Variants in SPAG17 observed in about 807,000 individuals in gnomAD.
SPAG17 encodes the protein sperm associated antigen 17, also known as sperm-associated antigen 17.
Under a neutral mutation model 273.6 loss-of-function variants are expected in SPAG17, and 169 were observed. That is an observed-to-expected ratio of 0.62 (90% confidence interval 0.55 to 0.70). The LOEUF (loss-of-function observed/expected upper bound fraction) is 0.70, where lower values mean the gene tolerates loss of function less well. SPAG17 is among the 30% of genes least tolerant of loss of function. The pLI is 0.00. For missense variants in SPAG17, 2,557 were observed against 2,627.8 expected (o/e 0.97, Z 0.59); for synonymous variants, 825 against 873.2 (o/e 0.94, Z 0.97).
intron 3 of SPAG17, among the ~76,000 whole-genome samples, chr1:118,137,419 T>C (rs1056957827): frequency 5.3e-5 from 8 of 152,192 alleles, no homozygotes; most frequent in Non-Finnish European, 7.3e-5. Context: ...GGGTACCAGG[T>C]ACTATGCAGG....
intron 1 of SPAG17, among the ~76,000 whole-genome samples, chr1:118,159,651 T>A (rs1336168746): frequency 6.6e-6 from 1 of 152,160 alleles, no homozygotes; most frequent in African/African-American, 2.4e-5. Flanking sequence ...GTCCTGGGGA[T>A]CTTCTTTGTA....
At chr1:118,161,916 A>G (rs1010054965) in intron 1 of SPAG17, among the ~76,000 whole-genome samples, 1 of 152,118 alleles carries the variant, frequency 6.6e-6, no homozygotes, top group Non-Finnish European at 1.5e-5. Flanking sequence ...CCAGGGGAGG[A>G]ATGGTGTATG....
chr1:118,090,356 T>TA (rs1655285285), intron 10 of SPAG17, among the ~76,000 whole-genome samples: 1 of 152,142 alleles, frequency 6.6e-6, no homozygotes, highest in Non-Finnish European at 1.5e-5. Flanking sequence ...ATTATAATGT[T>TA]AAAAAATTAG....
chr1:118,021,965 T>C (rs984923805), intron 28 of SPAG17, among the ~76,000 whole-genome samples: 1 of 152,132 alleles, frequency 6.6e-6, no homozygotes, highest in Non-Finnish European at 1.5e-5. Flanking sequence ...TACTAAATAT[T>C]GAGTAATTAA....
At chr1:117,981,851 C>G (rs1277633321) in intron 42 of SPAG17, among the ~76,000 whole-genome samples, 1 of 152,076 alleles carries the variant, frequency 6.6e-6, no homozygotes, top group South Asian at 2.1e-4. Flanking sequence ...GAAATAGGTA[C>G]AATAGGAAAC....
At chr1:118,127,889 C>A (rs1173817718) in intron 3 of SPAG17, among the ~76,000 whole-genome samples, 3 of 152,022 alleles carry the variant, frequency 2.0e-5, no homozygotes, top group Non-Finnish European at 4.4e-5. Context: ...TTTGGGAGGC[C>A]AAGGTGGGTG....
intron 20 of SPAG17, among the ~76,000 whole-genome samples, chr1:118,048,046 T>C (rs1277271744): frequency 1.3e-5 from 2 of 151,890 alleles, no homozygotes; most frequent in Non-Finnish European, 2.9e-5. Context: ...TACATGGTTC[T>C]AGGACCCAGG....
intron 1 of SPAG17, among the ~76,000 whole-genome samples, chr1:118,173,567 G>A (rs1368131971): frequency 6.6e-6 from 1 of 152,162 alleles, no homozygotes; most frequent in Non-Finnish European, 1.5e-5. Context: ...GAGATTATGG[G>A]CAGAGGAATA....
chr1:118,014,097 C>T (rs1193782798), intron 29 of SPAG17, among the ~76,000 whole-genome samples: 1 of 152,202 alleles, frequency 6.6e-6, no homozygotes, highest in African/African-American at 2.4e-5. Context: ...TACATTCTGG[C>T]TCTACCATTT....
intron 38 of SPAG17, among the ~76,000 whole-genome samples, chr1:117,989,755 T>G (rs538518032): frequency 6.6e-6 from 1 of 152,046 alleles, no homozygotes; most frequent in South Asian, 2.1e-4. Context: ...TTTTTTTGTA[T>G]TTTCCATAGA....
At chr1:117,997,720 G>C (rs542957460) in intron 32 of SPAG17, among the ~76,000 whole-genome samples, 6 of 152,228 alleles carry the variant, frequency 3.9e-5, no homozygotes, top group African/African-American at 1.4e-4. Context: ...CCATTATTGT[G>C]CAAAGCAGCC....
chr1:118,030,155 T>C (rs1271791761), intron 25 of SPAG17, among the ~76,000 whole-genome samples: 1 of 152,160 alleles, frequency 6.6e-6, no homozygotes, highest in Admixed American at 6.5e-5. Context: ...CATTTTTACT[T>C]AACAAGAGTC....
chr1:118,127,271 TAA>T (rs1657788070), intron 3 of SPAG17, among the ~76,000 whole-genome samples: 1 of 152,196 alleles, frequency 6.6e-6, no homozygotes. Context: ...GGATTATTTA[TAA>T]AGAGAAGAGG....
intron 3 of SPAG17, among the ~76,000 whole-genome samples, chr1:118,130,283 C>T (rs1349405378): frequency 6.6e-6 from 1 of 152,196 alleles, no homozygotes; most frequent in African/African-American, 2.4e-5. Context: ...CCTCTGGGAA[C>T]CTAGTTAAAG....
chr1:118,029,981 C>T lies in SPAG17; in HGVS notation c.3610-1587G>A, dbSNP rs1276223899. On this transcript the variant is annotated intron_variant, in intron 25 of 48. Transcript: ENST00000336338. ...AAAACTGCTCAAAGATGCAAACCTGCCACGTCAAATCTGTCAGCACACATA... is the reference window on the plus strand; with the variant it reads ...AAAACTGCTCAAAGATGCAAACCTGTCACGTCAAATCTGTCAGCACACATA... Among the ~76,000 whole-genome samples, 3 of 152,286 alleles carry T rather than the reference C, an allele frequency of 2.0e-5. No homozygotes were observed. In the East Asian group the frequency reaches 5.8e-4, roughly 29 times the overall value.
rs1196224715 is a variant in SPAG17 at position 118,167,515 on chromosome 1, G to A, written c.88-16146C>T. Among the ~76,000 whole-genome samples, 7 of 152,012 alleles carry A rather than the reference G, an allele frequency of 4.6e-5. No homozygotes were observed. In the East Asian group the frequency reaches 1.4e-3, roughly 29 times the overall value. On this transcript the variant is annotated intron_variant, in intron 1 of 48. Coordinates refer to ENST00000336338, the MANE Select transcript of SPAG17 (RefSeq NM_206996.4). The stretch of plus-strand genomic sequence containing the variant: ...CCAAATTTTGAAGTCTCTTTACTGT[G>A]GGTTTTCATTCTAAATATTTAATCT...
At chr1:118,067,745 T>G (rs1653128000) in intron 17 of SPAG17, among the ~76,000 whole-genome samples, 1 of 152,190 alleles carries the variant, frequency 6.6e-6, no homozygotes, top group Non-Finnish European at 1.5e-5. Flanking sequence ...GCTGAGAGAG[T>G]AAGGGACTTG....
chr1:117,970,381 C>A (rs1378838826), intron 45 of SPAG17, among the ~76,000 whole-genome samples: 2 of 152,210 alleles, frequency 1.3e-5, no homozygotes, highest in African/African-American at 2.4e-5. Flanking sequence ...TGACGAGCAG[C>A]CCAGGCTTGG....
intron 24 of SPAG17, among the ~76,000 whole-genome samples, chr1:118,034,802 G>A (rs747525757): frequency 1.3e-5 from 2 of 152,162 alleles, no homozygotes; most frequent in Non-Finnish European, 2.9e-5. Flanking sequence ...TAAAACATAA[G>A]TTGGGGCCTG....
Sources: allele counts gnomAD v4.1 joint callset (sites outside exome capture counted in the v4.1 genomes callset), GRCh38; gene constraint gnomAD v4.1.1; transcripts MANE v1.5; gene names NCBI Gene and HGNC (gene_info 2026-07-23, HGNC 2026-07-21).